The following KCNH7 variants were observed in gnomAD, a reference collection of about 807,000 sequenced individuals.
KCNH7 encodes potassium voltage-gated channel subfamily H member 7.
In KCNH7, 49 loss-of-function variants were observed where a neutral mutation model predicts 120.8. That is an observed-to-expected ratio of 0.41 (90% confidence interval 0.32 to 0.51). The LOEUF is 0.51. KCNH7 is among the 20% of genes least tolerant of loss of function. The pLI, the probability that KCNH7 is intolerant of heterozygous loss-of-function variation, is 0.38. For synonymous variants in KCNH7, 547 were observed against 516.1 expected (o/e 1.06, Z -0.81); for missense variants, 1,097 against 1,446.6 (o/e 0.76, Z 3.92).
chr2:162,739,850 G>T (rs990443940), intron 2 of KCNH7, among the ~76,000 whole-genome samples: 1 of 152,158 alleles, frequency 6.6e-6, no homozygotes, highest in Admixed American at 6.5e-5. Flanking sequence ...ACACATCAAT[G>T]AGATATGGAT....
rs185548906 is a variant in KCNH7 at position 162,420,804 on chromosome 2, C to T, written c.2154+2532G>A. 1.7e-3 allele frequency among the ~76,000 whole-genome samples: 259 copies of T among 151,904 alleles called. 1 individual carries two copies. Among genetic ancestry groups the T allele is most frequent in the African/African-American group, 4.7e-3 (195 of 41,414 alleles). On this transcript the variant is annotated intron_variant, in intron 9 of 15. Transcript: ENST00000332142. The stretch of plus-strand genomic sequence containing the variant: ...CGTAAAATATCATGGAATGCTGATG[C>T]GAAATACAAGTTTAATATGCTTTTA...
Position 162,738,686 on chromosome 2 carries a change from T to C in KCNH7, c.307+97851A>G, listed in dbSNP as rs760865479. ...CTTTATTCTGGTATCTGTCTGGCTG[T>C]TAAGCAATTTCTTATCCTTACTGAG... On this transcript the variant is annotated intron_variant, in intron 2 of 15. Transcript: ENST00000332142. 1.1e-3 allele frequency among the ~76,000 whole-genome samples: 163 copies of C among 152,226 alleles called. 1 individual carries two copies. Among genetic ancestry groups the C allele is most frequent in the Non-Finnish European group, 5.7e-4 (39 of 68,044 alleles).
chr2:162,743,722 TAAG>T (rs1251434125), intron 2 of KCNH7, among the ~76,000 whole-genome samples: 1 of 152,010 alleles, frequency 6.6e-6, no homozygotes, highest in East Asian at 1.9e-4. Flanking sequence ...ACAATAAAAA[TAAG>T]AAAGACTGAT....
intron 2 of KCNH7, among the ~76,000 whole-genome samples, chr2:162,617,622 G>C (rs7561379): frequency 0.63 from 96,185 of 152,070 alleles, 31,886 homozygotes; most frequent in African/African-American, 0.83. Context: ...CTGAGCATGA[G>C]TTAGGATTCT....
chr2:162,724,646 T>C (rs1291111434), intron 2 of KCNH7, among the ~76,000 whole-genome samples: 2 of 142,226 alleles, frequency 1.4e-5, no homozygotes, highest in African/African-American at 2.8e-5. Flanking sequence ...CACTCCAGCC[T>C]GGGCGACAGA....
At chr2:162,448,234 A>G (rs1385082511) in intron 6 of KCNH7, among the ~76,000 whole-genome samples, 32 of 152,094 alleles carry the variant, frequency 2.1e-4, no homozygotes, top group South Asian at 2.1e-4. Flanking sequence ...CTCTGATCCC[A>G]TTATGCTTAG....
At chr2:162,650,564 C>T (rs1055290096) in intron 2 of KCNH7, among the ~76,000 whole-genome samples, 2 of 152,120 alleles carry the variant, frequency 1.3e-5, no homozygotes, top group Admixed American at 6.6e-5. Flanking sequence ...ATTCATTCCT[C>T]GCCTAGGTTC....
rs1025758734 is a variant in KCNH7, at chr2:162,636,087, G to A, written c.308-99007C>T. 6.6e-5 allele frequency among the ~76,000 whole-genome samples: 10 copies of A among 151,992 alleles called. 1 individual carries two copies. The highest frequency in any genetic ancestry group is 2.4e-4 in the African/African-American group (10 of 41,398). ...GTATTTTAGTATCTATGCATAAAAT[G>A]TATCCCTTCCAAATTGATGTTCAAA... On this transcript the variant is annotated intron_variant, in intron 2 of 15. Transcript: ENST00000332142.
chr2:162,741,483 T>C (rs994254442), intron 2 of KCNH7, among the ~76,000 whole-genome samples: 1 of 151,948 alleles, frequency 6.6e-6, no homozygotes, highest in Admixed American at 6.6e-5. Flanking sequence ...GTATTATATA[T>C]GATTTGATGT....
chr2:162,708,885 C>T (rs1386295555), intron 2 of KCNH7, among the ~76,000 whole-genome samples: 1 of 152,036 alleles, frequency 6.6e-6, no homozygotes, highest in Non-Finnish European at 1.5e-5. Context: ...TTGAATATAT[C>T]TTTGGAATCA....
At chr2:162,531,830 A>G (rs1691935128) in intron 3 of KCNH7, among the ~76,000 whole-genome samples, 1 of 151,986 alleles carries the variant, frequency 6.6e-6, no homozygotes, top group South Asian at 2.1e-4. Flanking sequence ...CTAAGGAAAA[A>G]TTGCTATTAA....
intron 2 of KCNH7, among the ~76,000 whole-genome samples, chr2:162,605,784 C>G (rs192225127): frequency 6.8e-4 from 104 of 152,116 alleles, no homozygotes; most frequent in Non-Finnish European, 1.3e-3. Context: ...TCACCCTTTC[C>G]CCTTGAAAGC....
chr2:162,663,116 T>C (rs187762741), intron 2 of KCNH7, among the ~76,000 whole-genome samples: 2 of 152,334 alleles, frequency 1.3e-5, no homozygotes, highest in East Asian at 3.9e-4. Flanking sequence ...CTAGTTGTTA[T>C]TAAGGTTGTG....
intron 2 of KCNH7, among the ~76,000 whole-genome samples, chr2:162,827,937 C>T (rs1480089432): frequency 6.6e-6 from 1 of 152,066 alleles, no homozygotes; most frequent in African/African-American, 2.4e-5. Flanking sequence ...GGGAGAAGAG[C>T]TATCCTGAGT....
At chr2:162,681,810 A>AT (rs71410025) in intron 2 of KCNH7, among the ~76,000 whole-genome samples, 9,461 of 141,154 alleles carry the variant, frequency 0.067, 614 homozygotes, top group African/African-American at 0.17. Flanking sequence ...GGGGTCTGTG[A>AT]TTTTTTTTTT....
intron 2 of KCNH7, among the ~76,000 whole-genome samples, chr2:162,789,725 A>G (rs74630063): frequency 0.041 from 6,164 of 152,100 alleles, 197 homozygotes; most frequent in Non-Finnish European, 0.063. Flanking sequence ...CTTAAAAAAA[A>G]TGTTGGAATT....
intron 2 of KCNH7, among the ~76,000 whole-genome samples, chr2:162,561,443 T>G (rs1174388424): frequency 1.3e-5 from 2 of 152,194 alleles, no homozygotes; most frequent in African/African-American, 4.8e-5. Context: ...GTATTTCTAG[T>G]TCTAGATTCT....
chr2:162,465,704 C>A (rs143283001), intron 6 of KCNH7, among the ~76,000 whole-genome samples: 60 of 152,250 alleles, frequency 3.9e-4, no homozygotes, highest in African/African-American at 1.4e-3. Flanking sequence ...CTATAGTTAA[C>A]TGGGTATATC....
chr2:162,450,387 A>G (rs1175987133), intron 6 of KCNH7, among the ~76,000 whole-genome samples: 4 of 152,078 alleles, frequency 2.6e-5, no homozygotes, highest in African/African-American at 9.7e-5. Context: ...TATGGTATCA[A>G]ATGTTATGGT....
Sources: allele counts gnomAD v4.1 joint callset (sites outside exome capture counted in the v4.1 genomes callset), GRCh38; gene constraint gnomAD v4.1.1; transcripts MANE v1.5; gene names NCBI Gene and HGNC (gene_info 2026-07-23, HGNC 2026-07-21).